The following ALOX12B variants were observed in gnomAD, a reference collection of about 807,000 sequenced individuals.
ALOX12B encodes arachidonate 12-lipoxygenase, 12R type, also known as arachidonate 12-lipoxygenase, 12R-type.
A neutral mutation model predicts 78.9 loss-of-function variants in ALOX12B; 47 were observed. The observed-to-expected ratio is 0.60, with a 90% CI of 0.47 to 0.76. The LOEUF is 0.76. Among genes scored for constraint, ALOX12B ranks in the 30% least tolerant of loss-of-function variants. The pLI is 0.00. For synonymous variants in ALOX12B, 370 were observed against 374.5 expected (o/e 0.99, Z 0.14); for missense variants, 805 against 922.6 (o/e 0.87, Z 1.65).
At chr17:8,078,091 C>T (rs1383589467) in intron 8 of ALOX12B, among the ~76,000 whole-genome samples, 1 of 151,764 alleles carries the variant, frequency 6.6e-6, no homozygotes, top group Non-Finnish European at 1.5e-5. Context: ...TATAAGAAAT[C>T]CAGAAAGGAT....
intron 1 of ALOX12B, among the ~76,000 whole-genome samples, chr17:8,086,519 C>A (rs1264167256): frequency 6.6e-6 from 1 of 152,194 alleles, no homozygotes; most frequent in African/African-American, 2.4e-5. Context: ...TGCAGGAACC[C>A]TTCAGACCCC....
chr17:8,072,645 G>T lies in ALOX12B; in HGVS notation c.*126C>A, dbSNP rs1403717462. 1 of 1,400,330 alleles carries T rather than the reference G, an allele frequency of 7.1e-7. No homozygotes were observed. Among genetic ancestry groups the T allele is most frequent in the Non-Finnish European group, 1.0e-6 (1 of 999,996 alleles). The allele number at this position is 1,400,330 out of a possible 1,614,324, so 86.7% of individuals were successfully genotyped here. ...CACAGCCAGACCCAGGGAAAGGAAGGTTTTTTGTTTTTTTGTTTGTTTGGT... is the reference window on the plus strand; with the variant it reads ...CACAGCCAGACCCAGGGAAAGGAAGTTTTTTTGTTTTTTTGTTTGTTTGGT... On this transcript the variant is annotated 3_prime_UTR_variant, in exon 15 of 15. Transcript: ENST00000647874.
In ALOX12B at chr17:8,086,067, C is replaced by G; in HGVS notation, c.301G>C (p.Ala101Pro). The G allele has an allele frequency of 6.2e-7, 1 of 1,614,088 alleles. No homozygotes were observed. The highest frequency in any genetic ancestry group is 8.5e-7 in the Non-Finnish European group (1 of 1,179,996). ...TCGTAGCCATCCATCCACTGGTAGG[C>G]GGGGAAGTGGTAGATACGGCCGTTG... ...APNGRIYHFP[A>P]YQWMDGYETL... Residue 101 changes from alanine to proline, a missense_variant, in exon 2 of 15, where the codon GCC becomes CCC. Physicochemically the swap from Ala to Pro is conservative, Grantham distance 27. Transcript: ENST00000647874.
chr17:8,072,992 G>A (rs1171321769), intron 14 of ALOX12B, 42 bp from the exon 15 acceptor site: 1 of 1,597,424 alleles, frequency 6.3e-7, no homozygotes, highest in South Asian at 1.1e-5. Flanking sequence ...GGGCCGGCCA[G>A]CACCCCCTCC....
At position 8,081,452 on chromosome 17, in the gene ALOX12B, A is replaced by AT. The variant is rs765311865; in HGVS notation, c.353-266dup. On this transcript the variant is annotated intron_variant, in intron 2 of 14. Transcript: ENST00000647874. ...GTCCCTCCTCTAGACCCACTGAAAT[A>AT]TTTTTTATTTCTATAAATTCATGGA... 332 of 541,034 alleles carry AT rather than the reference A, an allele frequency of 6.1e-4. 1 individual carries two copies. The highest frequency in any genetic ancestry group is 6.8e-4 in the Non-Finnish European group (197 of 290,598). 33.5% of individuals were successfully genotyped at this position (541,034 alleles called of 1,614,324 possible).
At chr17:8,081,322 G>A (rs377561506) in intron 2 of ALOX12B, 135 bp from the exon 3 acceptor site, 1 of 815,900 alleles carries the variant, frequency 1.2e-6, no homozygotes, top group East Asian at 2.6e-5. Flanking sequence ...GCTCACCTTG[G>A]GAGAGTGAAG....
rs1977185603 is a variant in ALOX12B at position 8,080,291 on chromosome 17, C to T, written c.698G>A (p.Trp233Ter). 1.2e-6 allele frequency: 2 copies of T among 1,614,212 alleles called. No homozygotes were observed. Among genetic ancestry groups the T allele is most frequent in the Non-Finnish European group, 1.7e-6 (2 of 1,180,036 alleles). ...VRGLLDCKHS[W>*]KRLKDIRKIF... is the part of the protein sequence containing the mutation. ...TTTCCTAATGTCCTTCAGCCTCTTCCACGAATGTTTGCAGTCCAACAGGCC... is the reference window on the plus strand; with the variant it reads ...TTTCCTAATGTCCTTCAGCCTCTTCTACGAATGTTTGCAGTCCAACAGGCC... Residue 233 changes from tryptophan to a stop codon, truncating the protein, a stop_gained, in exon 6 of 15, where the codon TGG (tryptophan) becomes TAG (stop). Transcript: ENST00000647874. LOFTEE classifies it high-confidence loss of function. The surrounding 1 kb of genome is among the most constrained non-coding windows in gnomAD (Gnocchi z 4.8).
In ALOX12B at chr17:8,072,923, G is replaced by T; in HGVS notation, c.1954C>A (p.His652Asn). ...RRPLGHFPDI[H>N]FVEEAPRRSI... ...CTCCGCGGGGCCTCCTCCACGAAGT[G>T]AATGTCCGGGAAGTGTCCCAGGGGC... Residue 652 changes from histidine to asparagine, a missense_variant, in exon 15 of 15, where the codon CAC becomes AAC. His to Asn is a moderately conservative substitution (Grantham distance 68). Coordinates refer to ENST00000647874, the MANE Select transcript of ALOX12B (RefSeq NM_001139.3). The T allele has an allele frequency of 6.2e-7, 1 of 1,613,644 alleles. No homozygotes were observed. The highest frequency in any genetic ancestry group is 8.5e-7 in the Non-Finnish European group (1 of 1,179,798).
rs913972443 is a variant in ALOX12B at position 8,086,545 on chromosome 17, C to T, written c.148-325G>A. 2.0e-5 allele frequency among the ~76,000 whole-genome samples: 3 copies of T among 152,194 alleles called. No individual in the cohort carries two copies. The South Asian group carries it at 6.2e-4, about 31-fold the overall frequency. ...TTCAGACCCCTGGGGACTTGGGTAC[C>T]ACTCTACAGTTTTCGAGTGGGGAGA... is the stretch of plus-strand genomic sequence containing the variant. On this transcript the variant is annotated intron_variant, in intron 1 of 14. Transcript: ENST00000647874.
chr17:8,078,865 T>C (rs920683830), intron 8 of ALOX12B, among the ~76,000 whole-genome samples: 1 of 149,526 alleles, frequency 6.7e-6, no homozygotes, highest in Non-Finnish European at 1.5e-5. Flanking sequence ...CACAAGAAGA[T>C]GTGTGTAAGT....
chr17:8,081,746 G>A (rs974645774), intron 2 of ALOX12B, among the ~76,000 whole-genome samples: 1 of 152,068 alleles, frequency 6.6e-6, no homozygotes, highest in Non-Finnish European at 1.5e-5. Context: ...GGGTTCAAGC[G>A]ATTCTGCTGC....
At position 8,073,265 on chromosome 17, in the gene ALOX12B, C is replaced by T. The variant is rs372142978; in HGVS notation, c.1809G>A (p.Pro603=). 11 of 1,614,030 alleles carry T rather than the reference C, an allele frequency of 6.8e-6. No individual in the cohort carries two copies. The African/African-American group carries it at 1.2e-4, about 18-fold the overall frequency. The change falls in exon 14 of 15, where the codon CCG becomes CCA. Residue 603 remains proline (P), a synonymous_variant. Transcript: ENST00000647874. ...PNFPASMRNP[P]IQTKGLTTLE... The stretch of plus-strand genomic sequence containing the variant: ...GAGTGGTCAGCCCCTTAGTCTGAAT[C>T]GGTGGATTCCGCATGGACGCTGGGA...
intron 9 of ALOX12B, 102 bp from the exon 10 acceptor site, chr17:8,076,845 TC>T: frequency 6.9e-7 from 1 of 1,452,292 alleles, no homozygotes; most frequent in South Asian, 1.2e-5. Flanking sequence ...CTCTGGGAAG[TC>T]CCTATGCCAA....
chr17:8,081,431 C>T, intron 2 of ALOX12B: 1 of 591,406 alleles, frequency 1.7e-6, no homozygotes, highest in South Asian at 2.0e-5. Context: ...CAAAAAGTCC[C>T]TCCTCTAGAC....
At chr17:8,075,790 C>A (rs759524439) in intron 11 of ALOX12B, 74 bp from the exon 12 acceptor site, 139 of 1,613,106 alleles carry the variant, frequency 8.6e-5, no homozygotes, top group Non-Finnish European at 1.1e-4. Flanking sequence ...CCCACCTCCC[C>A]CAGGGTGCCC....
At position 8,073,726 on chromosome 17, in the gene ALOX12B, C is replaced by A; in HGVS notation, c.1686G>T (p.Glu562Asp). 2 of 1,613,856 alleles carry A rather than the reference C, an allele frequency of 1.2e-6. No homozygotes were observed. Among genetic ancestry groups the A allele is most frequent in the Non-Finnish European group, 1.7e-6 (2 of 1,179,930 alleles). Residue 562 changes from glutamate (E) to aspartate (D), a missense_variant, in exon 13 of 15, where the codon GAG becomes GAT. Coordinates refer to ENST00000647874, the MANE Select transcript of ALOX12B (RefSeq NM_001139.3). ...TGACTATAGTGACATATCGGATCAG[C>A]TCAGGCACGGTTCGCAAGCACCTAG... ...GFPRCLRTVP[E>D]LIRYVTIVIY...
intron 8 of ALOX12B, among the ~76,000 whole-genome samples, chr17:8,078,232 G>A (rs1977130232): frequency 1.3e-5 from 2 of 151,370 alleles, no homozygotes; most frequent in South Asian, 4.2e-4. Context: ...TGCAACCTCT[G>A]CCTCCTGGGT....
Position 8,080,490 on chromosome 17 carries a change from T to C in ALOX12B, c.651-152A>G. 1 of 1,364,692 alleles carries C rather than the reference T, an allele frequency of 7.3e-7. No individual in the cohort carries two copies. The highest frequency in any genetic ancestry group is 1.0e-6 in the Non-Finnish European group (1 of 967,314). 84.5% of individuals were successfully genotyped at this position (1,364,692 alleles called of 1,614,324 possible). On this transcript the variant is annotated intron_variant, in intron 5 of 14. Coordinates refer to ENST00000647874, the MANE Select transcript of ALOX12B (RefSeq NM_001139.3). This position sits in a 1 kb window ranked among gnomAD's most constrained non-coding sequence, Gnocchi z 4.8. ...GGTCCCATGTCTCAAGATCTTTGCATCTCTAGGTCTCTGGGATCATGTCTC... is the reference window on the plus strand; with the variant it reads ...GGTCCCATGTCTCAAGATCTTTGCACCTCTAGGTCTCTGGGATCATGTCTC...
intron 2 of ALOX12B, among the ~76,000 whole-genome samples, chr17:8,082,399 C>A (rs1166409257): frequency 6.6e-6 from 1 of 152,078 alleles, no homozygotes; most frequent in Non-Finnish European, 1.5e-5. Flanking sequence ...GCGTTCTTAT[C>A]GCCATTATGT....
Sources: allele counts gnomAD v4.1 joint callset (sites outside exome capture counted in the v4.1 genomes callset), GRCh38; gene constraint gnomAD v4.1.1; non-coding constraint Gnocchi (gnomAD v3.1); transcripts MANE v1.5; gene names NCBI Gene and HGNC (gene_info 2026-07-23, HGNC 2026-07-21).